THOC2: variants seen among roughly 807,000 people sequenced by gnomAD.
THOC2 encodes the protein THO complex 2.
In THOC2, 10 loss-of-function variants were observed where a neutral mutation model predicts 128.4. The observed-to-expected ratio is 0.08, with a 90% CI of 0.05 to 0.13. The LOEUF (loss-of-function observed/expected upper bound fraction) is 0.13. THOC2 is among the 10% of genes least tolerant of loss of function. The pLI is 1.00. For synonymous variants in THOC2, 393 were observed against 396.9 expected (o/e 0.99, Z 0.12); for missense variants, 535 against 1,155.7 (o/e 0.46, Z 7.79).
At chrX:123,610,846 A>G in intron 38 of THOC2, 72 bp downstream of exon 38, 7 of 944,492 alleles carry the variant, frequency 7.4e-6, no homozygotes, top group Non-Finnish European at 8.9e-6. Context: ...AAATGCATCT[A>G]GTTTTTCAAC....
chrX:123,664,843 T>C (rs1019049030), intron 12 of THOC2, among the ~76,000 whole-genome samples: 12 of 110,429 alleles, frequency 1.1e-4, no homozygotes, highest in African/African-American at 3.4e-4. Context: ...ATGTATGTTT[T>C]ATTTCAATAA....
At chrX:123,653,634 C>T (rs1251492601) in intron 12 of THOC2, among the ~76,000 whole-genome samples, 1 of 110,961 alleles carries the variant, frequency 9.0e-6, no homozygotes, top group East Asian at 2.8e-4. Context: ...CAAAAGAAGA[C>T]ATTTATGCAG....
intron 15 of THOC2, among the ~76,000 whole-genome samples, chrX:123,643,732 GAA>G (rs771514961): frequency 2.4e-5 from 2 of 83,237 alleles, no homozygotes. Flanking sequence ...AGGCTCACAG[GAA>G]AAAAAAAAAA....
chrX:123,625,734 G>A (rs1180444286), intron 25 of THOC2, among the ~76,000 whole-genome samples, 178 bp downstream of exon 25: 1 of 111,610 alleles, frequency 9.0e-6, no homozygotes, highest in African/African-American at 3.3e-5. Context: ...CAGGCACAGA[G>A]AGGTTAAATA....
intron 18 of THOC2, among the ~76,000 whole-genome samples, chrX:123,636,667 A>C (rs753656721): frequency 8.9e-6 from 1 of 111,913 alleles, no homozygotes; most frequent in East Asian, 2.8e-4. Context: ...GAGGTGCAAG[A>C]AAATAAAGTA....
rs770711046 is a variant in THOC2 at position 123,603,381 on chromosome X, G to A, written c.*19-2043C>T. On this transcript the variant is annotated intron_variant, in intron 38 of 38. Transcript: ENST00000245838. ...TCACACACAAAGACGGCCTATCTAC[G>A]TCATTAAGGAACTGGTTCCTGGAGG... 72 of 312,842 alleles carry A rather than the reference G, an allele frequency of 2.3e-4. No individual in the cohort carries two copies. The South Asian group carries it at 3.5e-3, about 15-fold the overall frequency. 25.8% of individuals were successfully genotyped at this position (312,842 alleles called of 1,213,427 possible). A position where few individuals can be genotyped will look rare whatever the true frequency, so the allele number is the denominator to read the frequency against.
chrX:123,657,379 G>A (rs183132654), intron 12 of THOC2, among the ~76,000 whole-genome samples: 58 of 110,045 alleles, frequency 5.3e-4, no homozygotes, highest in African/African-American at 1.9e-3. Flanking sequence ...ACAGATGCGG[G>A]AAACTCAGAA....
rs1006124123 is a variant in THOC2 at position 123,704,213 on chromosome X, C to T, written c.223-708G>A. On this transcript the variant is annotated intron_variant, in intron 3 of 38. Coordinates refer to ENST00000245838, the MANE Select transcript of THOC2 (RefSeq NM_001081550.2). ...TAAAGGAAGACTGTTAAAAACTGTA[C>T]ATTTTTCATCCAAGACTTTAAATGT... Among the ~76,000 whole-genome samples the T allele has an allele frequency of 4.5e-5, 5 of 111,864 alleles. No individual in the cohort carries two copies. In the East Asian group the frequency reaches 1.1e-3, roughly 25 times the overall value.
At chrX:123,693,091 C>T (rs2050294915) in intron 7 of THOC2, among the ~76,000 whole-genome samples, 1 of 112,016 alleles carries the variant, frequency 8.9e-6, no homozygotes, top group Admixed American at 9.5e-5. Flanking sequence ...AAGAGGGACT[C>T]CAATAAATGC....
chrX:123,703,815 C>T (rs1309157410), intron 3 of THOC2, among the ~76,000 whole-genome samples: 4 of 92,689 alleles, frequency 4.3e-5, no homozygotes, highest in Non-Finnish European at 8.2e-5. Context: ...CATTTGAGCC[C>T]GGGAGGTGGA....
intron 1 of THOC2, among the ~76,000 whole-genome samples, chrX:123,715,482 AAAG>A (rs1178841053): frequency 9.0e-6 from 1 of 111,140 alleles, no homozygotes; most frequent in African/African-American, 3.3e-5. Context: ...ATAGAGAATT[AAAG>A]AAGAAAAAAA....
chrX:123,601,459 G>A (rs1162792835), intron 38 of THOC2, 121 bp from the exon 39 acceptor site: 1 of 86,719 alleles, frequency 1.2e-5, no homozygotes, highest in Admixed American at 1.3e-4. Flanking sequence ...AGGAGAGAAG[G>A]AGAATGAAAG....
intron 22 of THOC2, among the ~76,000 whole-genome samples, chrX:123,631,375 T>C (rs756662886): frequency 1.8e-5 from 2 of 112,484 alleles, no homozygotes; most frequent in Non-Finnish European, 3.7e-5. Context: ...CAGGAATTTC[T>C]GCATAGTGCT....
intron 8 of THOC2, 97 bp downstream of exon 8, chrX:123,686,451 G>A: frequency 1.4e-6 from 1 of 694,957 alleles, no homozygotes; most frequent in South Asian, 3.8e-5. Flanking sequence ...GAACACCTGA[G>A]ATGAGACCAA....
At chrX:123,719,039 G>A (rs1486424504) in intron 1 of THOC2, among the ~76,000 whole-genome samples, 1 of 108,162 alleles carries the variant, frequency 9.2e-6, no homozygotes, top group African/African-American at 3.4e-5. Context: ...TTAGTCGGGT[G>A]TGGTGGCGGG....
At chrX:123,685,510 C>A (rs933360971) in intron 8 of THOC2, among the ~76,000 whole-genome samples, 7 of 111,484 alleles carry the variant, frequency 6.3e-5, no homozygotes, top group Non-Finnish European at 1.1e-4. Flanking sequence ...TTATAAGGAA[C>A]TACAGGAACA....
chrX:123,664,731 G>T (rs994914387), intron 12 of THOC2, among the ~76,000 whole-genome samples: 4 of 111,816 alleles, frequency 3.6e-5, no homozygotes, highest in African/African-American at 1.3e-4. Context: ...TGGAGAAATA[G>T]GAACACTTTC....
chrX:123,675,998 G>T (rs191272043), intron 8 of THOC2, among the ~76,000 whole-genome samples: 1 of 112,567 alleles, frequency 8.9e-6, no homozygotes, highest in South Asian at 3.7e-4. Flanking sequence ...CTCAGACCCA[G>T]AAGAGAAAGC....
intron 8 of THOC2, among the ~76,000 whole-genome samples, chrX:123,681,590 A>G (rs2049784405): frequency 8.9e-6 from 1 of 112,201 alleles, no homozygotes; most frequent in Admixed American, 9.5e-5. Context: ...CCAAAAGATG[A>G]GGTCTTCTAG....
Sources: gnomAD v4.1 joint callset for allele counts (sites outside exome capture counted in the v4.1 genomes callset) on GRCh38, gnomAD v4.1.1 for gene constraint, MANE v1.5 for transcripts, NCBI Gene and HGNC (gene_info 2026-07-23, HGNC 2026-07-21) for gene names.